The following MMUT variants were observed in gnomAD, a reference collection of about 807,000 sequenced individuals.
The protein encoded by MMUT is methylmalonyl-CoA mutase.
MMUT carries 79 observed loss-of-function variants against 79.9 expected under a neutral mutation model. The observed-to-expected ratio is 0.99, with a 90% CI of 0.82 to 1.19. The LOEUF is 1.19. Among genes scored for constraint, MMUT ranks in the 50% most tolerant of loss-of-function variants. MMUT has a pLI of 0.00. For synonymous variants in MMUT, 273 were observed against 295.7 expected, an observed-to-expected ratio of 0.92 and a Z score of 0.79; for missense variants, 860 against 917.2, an observed-to-expected ratio of 0.94 and a Z score of 0.81.
intron 1 of MMUT, among the ~76,000 whole-genome samples, chr6:49,461,076 C>T (rs963770022): frequency 3.3e-5 from 5 of 152,130 alleles, no homozygotes; most frequent in African/African-American, 1.2e-4. Flanking sequence ...AAGTGAATTA[C>T]AGCATATACA....
chr6:49,447,434 T>C (rs143724227), intron 8 of MMUT, among the ~76,000 whole-genome samples: 1 of 151,964 alleles, frequency 6.6e-6, no homozygotes, highest in Admixed American at 6.6e-5. Flanking sequence ...GTAGATATCA[T>C]GGTTTAAAAC....
At chr6:49,434,606 T>C (rs12214609) in intron 12 of MMUT, among the ~76,000 whole-genome samples, 15,816 of 152,094 alleles carry the variant, frequency 0.1, 832 homozygotes, top group Non-Finnish European at 0.11. Flanking sequence ...AAAAAGAAAA[T>C]CTTGATATAA....
At chr6:49,443,496 T>C (rs1767331715) in intron 9 of MMUT, among the ~76,000 whole-genome samples, 1 of 152,054 alleles carries the variant, frequency 6.6e-6, no homozygotes, top group Non-Finnish European at 1.5e-5. Flanking sequence ...AGTAACAAAC[T>C]GTCATTAGGT....
chr6:49,445,426 G>C (rs1581825511), intron 8 of MMUT, among the ~76,000 whole-genome samples: 1 of 151,944 alleles, frequency 6.6e-6, no homozygotes, highest in African/African-American at 2.4e-5. Flanking sequence ...GATGCCACTA[G>C]TATTATATAG....
At chr6:49,436,937 C>T (rs1396039116) in intron 11 of MMUT, among the ~76,000 whole-genome samples, 1 of 151,882 alleles carries the variant, frequency 6.6e-6, no homozygotes, top group Admixed American at 6.6e-5. Flanking sequence ...CACACTGGGG[C>T]CTATCAGAGG....
At chr6:49,458,984 G>A (rs1045562517) in intron 2 of MMUT, 98 bp downstream of exon 2, 3 of 1,210,870 alleles carry the variant, frequency 2.5e-6, no homozygotes, top group Admixed American at 2.4e-5. Flanking sequence ...CAAAATTATA[G>A]AGTGAATATC....
chr6:49,447,542 A>T (rs1213759185), intron 8 of MMUT, 128 bp downstream of exon 8: 2 of 641,420 alleles, frequency 3.1e-6, no homozygotes, highest in Non-Finnish European at 2.8e-6. Flanking sequence ...TACATTTGAA[A>T]TGATGGAAAT....
At position 49,431,775 on chromosome 6, in the gene MMUT, G is replaced by A. The variant is rs753461919; in HGVS notation, c.2206C>T (p.Leu736Phe). 6.2e-6 allele frequency: 10 copies of A among 1,613,826 alleles called. No individual in the cohort carries two copies. The highest frequency in any genetic ancestry group is 7.6e-6 in the Non-Finnish European group (9 of 1,179,922). ...TCCAAACACTTCTCAATATCATCAA[G>A]CACCTGAACGGCAGCCTTTGGAATT... ...TRIPKAAVQV[L>F]DDIEKCLEKK... is the part of the protein sequence containing the mutation. Residue 736 changes from leucine to phenylalanine, a missense_variant, in exon 13 of 13, where the codon CTT (leucine) becomes TTT (phenylalanine). Leu to Phe is a conservative substitution (Grantham distance 22). Transcript: ENST00000274813.
intron 9 of MMUT, chr6:49,443,649 T>C: frequency 4.6e-6 from 1 of 216,290 alleles, no homozygotes; most frequent in South Asian, 6.1e-5. Context: ...AATGAGATAA[T>C]TTTTAAATAA....
At chr6:49,431,930 T>C (rs1766990931) in intron 12 of MMUT, 74 bp from the exon 13 acceptor site, 2 of 1,529,272 alleles carry the variant, frequency 1.3e-6, no homozygotes, top group Non-Finnish European at 1.8e-6. Flanking sequence ...TATCCTTTCT[T>C]CTTTGTCACT....
At chr6:49,462,083 G>T (rs1305808086) in intron 1 of MMUT, among the ~76,000 whole-genome samples, 1 of 152,126 alleles carries the variant, frequency 6.6e-6, no homozygotes, top group Non-Finnish European at 1.5e-5. Context: ...CATGTGAATT[G>T]GTGGAGGCTG....
At chr6:49,434,502 T>C (rs1767073745) in intron 12 of MMUT, among the ~76,000 whole-genome samples, 2 of 152,178 alleles carry the variant, frequency 1.3e-5, no homozygotes, top group South Asian at 2.1e-4. Flanking sequence ...CCTGCTATAG[T>C]GATGGGGCCT....
At chr6:49,447,638 T>TAAAAAA in intron 8 of MMUT, 32 bp downstream of exon 8, 5 of 1,074,672 alleles carry the variant, frequency 4.7e-6, no homozygotes, top group African/African-American at 1.7e-5. Flanking sequence ...AGAAAATACT[T>TAAAAAA]AAAAAAAAAA....
chr6:49,443,734 A>T, intron 9 of MMUT: 1 of 415,304 alleles, frequency 2.4e-6, no homozygotes. Context: ...TTAATGATTT[A>T]ATGTCTTCTC....
intron 4 of MMUT, among the ~76,000 whole-genome samples, chr6:49,455,442 C>T (rs1297064417): frequency 6.6e-6 from 1 of 152,144 alleles, no homozygotes; most frequent in Non-Finnish European, 1.5e-5. Context: ...ACACAAATCC[C>T]TGGTACAAAG....
At chr6:49,441,099 A>G (rs774720808) in intron 10 of MMUT, among the ~76,000 whole-genome samples, 35 of 152,172 alleles carry the variant, frequency 2.3e-4, no homozygotes, top group African/African-American at 3.1e-4. Context: ...GGCTGTTTTG[A>G]TATTTATCTA....
intron 12 of MMUT, among the ~76,000 whole-genome samples, chr6:49,433,078 T>C (rs1767029286): frequency 6.6e-6 from 1 of 152,146 alleles, no homozygotes; most frequent in Non-Finnish European, 1.5e-5. Flanking sequence ...ATTCTGAGAG[T>C]AGAGATCATG....
intron 10 of MMUT, among the ~76,000 whole-genome samples, chr6:49,440,779 C>G (rs1767253916): frequency 6.6e-6 from 1 of 152,072 alleles, no homozygotes; most frequent in Non-Finnish European, 1.5e-5. Flanking sequence ...TGAACTAAGA[C>G]AAAAAATGAC....
chr6:49,447,687 T>C lies in MMUT; in HGVS notation c.1543A>G (p.Ile515Val). The change falls in exon 8 of 13, where the codon ATT (isoleucine) becomes GTT (valine). Residue 515 changes from isoleucine (I) to valine (V), a missense_variant. Ile to Val is a conservative substitution (Grantham distance 29). Transcript: ENST00000274813. ...IDNTSVRNRQ[I>V]EKLKKIKSSR... ...ATTAATACCTTCTTAAGTTTTTCAA[T>C]CTGCCTGTTTCGCACTGAAGTATTA... The C allele has an allele frequency of 1.3e-6, 2 of 1,593,818 alleles. No homozygotes were observed. Among genetic ancestry groups the C allele is most frequent in the African/African-American group, 1.3e-5 (1 of 74,110 alleles).
Sources: allele counts gnomAD v4.1 joint callset (sites outside exome capture counted in the v4.1 genomes callset), GRCh38; gene constraint gnomAD v4.1.1; transcripts MANE v1.5; gene names NCBI Gene and HGNC (gene_info 2026-07-23, HGNC 2026-07-21).